Variants in MAST2 observed in about 807,000 individuals in gnomAD.
MAST2 encodes the protein microtubule-associated serine/threonine-protein kinase 2.
A neutral mutation model predicts 147.4 loss-of-function variants in MAST2; 70 were observed. The ratio of observed to expected loss-of-function variants is 0.47; its 90% CI spans 0.39 to 0.58. The LOEUF (loss-of-function observed/expected upper bound fraction) is 0.58, where lower values mean the gene tolerates loss of function less well. Among genes scored for constraint, MAST2 ranks in the 20% least tolerant of loss-of-function variants. The pLI, the probability that MAST2 is intolerant of heterozygous loss-of-function variation, is 0.00. For synonymous variants in MAST2, 869 were observed against 896.8 expected (o/e 0.97, Z 0.55); for missense variants, 2,080 against 2,302.3 (o/e 0.90, Z 1.98).
rs887376744 is a variant in MAST2, at chr1:45,920,056, A to AT, written c.500+37667dup. ...GAGACCAGGGCAGCACTTGAGGCTA[A>AT]TTTTTTCTTACTACTGAGGCAATAC... On this transcript the variant is annotated intron_variant, in intron 4 of 28. Transcript: ENST00000361297. Among the ~76,000 whole-genome samples the AT allele has an allele frequency of 1.3e-5, 2 of 151,890 alleles. 1 individual carries two copies. Among genetic ancestry groups the AT allele is most frequent in the Non-Finnish European group, 2.9e-5 (2 of 67,976 alleles).
chr1:45,860,383 C>CAA (rs10540608), intron 3 of MAST2, among the ~76,000 whole-genome samples: 53 of 139,380 alleles, frequency 3.8e-4, no homozygotes, highest in Non-Finnish European at 6.7e-4. Context: ...GAATCTGTCT[C>CAA]AAAAAAAAAA....
At chr1:45,855,890 G>A (rs1343235103) in intron 3 of MAST2, among the ~76,000 whole-genome samples, 3 of 151,754 alleles carry the variant, frequency 2.0e-5, no homozygotes, top group Non-Finnish European at 2.9e-5. Context: ...TTTTATTCTG[G>A]TAGTGCTGAC....
At position 46,022,633 on chromosome 1, in the gene MAST2, CCT is replaced by C. The variant is rs569671904; in HGVS notation, c.1424-276_1424-275del. ...GGGAACTAGTAACCCAGTTTCAGGC[CCT>C]GTTTTCCAGGAAATGTCCCCAGTTT... On this transcript the variant is annotated intron_variant, in intron 12 of 28. Coordinates refer to ENST00000361297, the MANE Select transcript of MAST2 (RefSeq NM_015112.3). 1.5e-4 allele frequency among the ~76,000 whole-genome samples: 23 copies of C among 152,250 alleles called. No homozygotes were observed. The South Asian group carries it at 4.4e-3, about 29-fold the overall frequency.
chr1:45,887,044 T>G (rs1317753177), intron 4 of MAST2, among the ~76,000 whole-genome samples: 3 of 152,196 alleles, frequency 2.0e-5, no homozygotes, highest in African/African-American at 7.2e-5. Context: ...CTCAGGCTGG[T>G]CTGGAACTCC....
intron 4 of MAST2, among the ~76,000 whole-genome samples, chr1:45,904,248 C>G (rs1650281950): frequency 6.6e-6 from 1 of 151,768 alleles, no homozygotes; most frequent in Non-Finnish European, 1.5e-5. Flanking sequence ...TCTCAGCTCA[C>G]TGCCAACCTC....
chr1:45,839,086 A>G (rs1570315532), intron 3 of MAST2, among the ~76,000 whole-genome samples: 1 of 147,638 alleles, frequency 6.8e-6, no homozygotes, highest in East Asian at 2.0e-4. Context: ...TGATCCTCCC[A>G]TGTCAGCCTC....
chr1:46,016,067 A>T (rs2149262023), intron 10 of MAST2, among the ~76,000 whole-genome samples: 1 of 152,122 alleles, frequency 6.6e-6, no homozygotes, highest in Non-Finnish European at 1.5e-5. Flanking sequence ...AGAACCAAAG[A>T]CAAAAACCAC....
intron 16 of MAST2, among the ~76,000 whole-genome samples, chr1:46,026,642 T>C (rs1646425230): frequency 7.1e-6 from 1 of 141,636 alleles, no homozygotes; most frequent in African/African-American, 2.6e-5. Context: ...GAACAGGGAG[T>C]CAGGATAGAA....
chr1:45,864,145 A>G (rs897155179), intron 3 of MAST2, among the ~76,000 whole-genome samples: 1 of 152,242 alleles, frequency 6.6e-6, no homozygotes, highest in East Asian at 1.9e-4. Context: ...CTGAAGTTCT[A>G]CTTTAAAAAT....
chr1:45,976,447 A>G (rs1644162572), intron 5 of MAST2, among the ~76,000 whole-genome samples: 1 of 152,166 alleles, frequency 6.6e-6, no homozygotes, highest in African/African-American at 2.4e-5. Flanking sequence ...AAATACAAAA[A>G]TTATCCAGGC....
chr1:45,992,922 G>A (rs1313394109), intron 5 of MAST2, among the ~76,000 whole-genome samples: 1 of 151,828 alleles, frequency 6.6e-6, no homozygotes, highest in Admixed American at 6.6e-5. Flanking sequence ...TTGGCTTATA[G>A]GCTATAACCC....
intron 1 of MAST2, among the ~76,000 whole-genome samples, chr1:45,816,221 A>AAGAGAGAGAGAGAGAGAAAGAGAG (rs1553202490): frequency 2.3e-4 from 31 of 134,824 alleles, no homozygotes; most frequent in South Asian, 7.6e-4. Flanking sequence ...GAGAGAGAGA[A>AAGAGAGAGAGAGAGAGAAAGAGAG]AGAGAGAGAG....
intron 3 of MAST2, among the ~76,000 whole-genome samples, chr1:45,867,395 T>A (rs970425051): frequency 2.6e-5 from 4 of 152,150 alleles, no homozygotes; most frequent in African/African-American, 9.7e-5. Flanking sequence ...CTTTGATACC[T>A]CCAGGTTTTT....
chr1:45,971,745 A>C (rs772758561), intron 5 of MAST2, among the ~76,000 whole-genome samples: 1 of 152,224 alleles, frequency 6.6e-6, no homozygotes, highest in Non-Finnish European at 1.5e-5. Flanking sequence ...TAGATTGTTT[A>C]TACTTTTCCA....
chr1:45,883,382 T>C (rs769305212), intron 4 of MAST2, among the ~76,000 whole-genome samples: 30 of 152,220 alleles, frequency 2.0e-4, no homozygotes, highest in Non-Finnish European at 4.0e-4. Context: ...CCTCTGAGGT[T>C]TTTGTGAAGC....
chr1:45,867,978 G>C (rs1646228643), intron 3 of MAST2, among the ~76,000 whole-genome samples: 1 of 152,168 alleles, frequency 6.6e-6, no homozygotes, highest in African/African-American at 2.4e-5. Context: ...CTTCCTATGT[G>C]TTAGAAAAAG....
intron 4 of MAST2, among the ~76,000 whole-genome samples, chr1:45,941,709 A>G (rs1227816527): frequency 6.6e-6 from 1 of 151,070 alleles, no homozygotes; most frequent in Non-Finnish European, 1.5e-5. Context: ...TCCTTATTGC[A>G]CTGGCTAGAA....
intron 3 of MAST2, chr1:45,847,066 C>T: frequency 2.3e-6 from 1 of 433,830 alleles, no homozygotes; most frequent in East Asian, 6.5e-5. Flanking sequence ...AAATCTTGGT[C>T]TGTAGTTATA....
intron 6 of MAST2, 60 bp downstream of exon 6, chr1:45,997,859 T>C: frequency 1.5e-6 from 2 of 1,362,226 alleles, no homozygotes; most frequent in South Asian, 1.2e-5. Flanking sequence ...TGAGGGTTAA[T>C]TGAATGTCAG....
Sources: gnomAD v4.1 joint callset for allele counts (sites outside exome capture counted in the v4.1 genomes callset) on GRCh38, gnomAD v4.1.1 for gene constraint, MANE v1.5 for transcripts, NCBI Gene and HGNC (gene_info 2026-07-23, HGNC 2026-07-21) for gene names.